The following KTN1 variants were observed in gnomAD, a reference collection of about 807,000 sequenced individuals.
KTN1 encodes the protein kinectin.
A neutral mutation model predicts 222.5 loss-of-function variants in KTN1; 130 were observed. That is an observed-to-expected ratio of 0.58 (90% confidence interval 0.51 to 0.68). KTN1 has a LOEUF of 0.68. Among genes scored for constraint, KTN1 ranks in the 30% least tolerant of loss-of-function variants. KTN1 has a pLI of 0.00. For synonymous variants in KTN1, 512 were observed against 496.3 expected (o/e 1.03, Z -0.42); for missense variants, 1,508 against 1,500.4 (o/e 1.01, Z -0.08).
intron 1 of KTN1, among the ~76,000 whole-genome samples, chr14:55,597,666 C>T (rs990347562): frequency 9.9e-5 from 15 of 151,688 alleles, no homozygotes; most frequent in Admixed American, 2.0e-4. Flanking sequence ...ACAGCCTGGC[C>T]GACATGGTGA....
intron 1 of KTN1, among the ~76,000 whole-genome samples, chr14:55,607,983 G>A (rs571359784): frequency 6.6e-6 from 1 of 152,300 alleles, no homozygotes; most frequent in African/African-American, 2.4e-5. Context: ...TCTTCCATGT[G>A]TGAAAGAACA....
chr14:55,666,502 C>G (rs1324830962), intron 33 of KTN1, among the ~76,000 whole-genome samples: 1 of 151,528 alleles, frequency 6.6e-6, no homozygotes, highest in Non-Finnish European at 1.5e-5. Flanking sequence ...CTAATTTTGA[C>G]AAACCATGGT....
chr14:55,629,335 G>A (rs552759405), intron 6 of KTN1, among the ~76,000 whole-genome samples: 1 of 149,412 alleles, frequency 6.7e-6, no homozygotes, highest in South Asian at 2.2e-4. Flanking sequence ...GGAGAATGGT[G>A]TGAATCTGGG....
chr14:55,672,567 C>T, intron 37 of KTN1, 63 bp from the exon 38 acceptor site: 1 of 957,130 alleles, frequency 1.0e-6, no homozygotes. Context: ...CAGAATTCTA[C>T]AGGATAGAAA....
chr14:55,673,628 T>A (rs1406683691), intron 40 of KTN1: 1 of 158,658 alleles, frequency 6.3e-6, no homozygotes, highest in African/African-American at 2.4e-5. Flanking sequence ...GCCTTTTATT[T>A]TCTAACCTGG....
chr14:55,584,723 G>A (rs2032571268), intron 1 of KTN1, among the ~76,000 whole-genome samples: 1 of 151,198 alleles, frequency 6.6e-6, no homozygotes, highest in Non-Finnish European at 1.5e-5. Flanking sequence ...CTCAAACACA[G>A]TATTACATAG....
chr14:55,644,322 T>A (rs1432430753), intron 18 of KTN1: 1 of 697,452 alleles, frequency 1.4e-6, no homozygotes, highest in Non-Finnish European at 2.6e-6. Context: ...AAAATTTCAG[T>A]CCTTTTACCC....
chr14:55,598,505 T>TAA lies in KTN1; in HGVS notation c.-30-13504_-30-13503dup, dbSNP rs71131298. 1.6e-3 allele frequency among the ~76,000 whole-genome samples: 239 copies of TAA among 148,298 alleles called. 1 individual carries two copies. The highest frequency in any genetic ancestry group is 0.011 in the South Asian group (51 of 4,706). ...CTGGTTGGAAAGAGGTACTGTTCATTAAAAAAAAAAATTACATTCTGGATT... is the reference window on the plus strand; with the variant it reads ...CTGGTTGGAAAGAGGTACTGTTCATTAAAAAAAAAAAAATTACATTCTGGATT... On this transcript the variant is annotated intron_variant, in intron 1 of 43. Transcript: ENST00000395314.
intron 1 of KTN1, among the ~76,000 whole-genome samples, chr14:55,594,536 G>A (rs545999728): frequency 6.7e-6 from 1 of 148,734 alleles, no homozygotes; most frequent in African/African-American, 2.5e-5. Flanking sequence ...GTTTGGACTG[G>A]TATCCATTGT....
chr14:55,679,747 T>C (rs1294988711), intron 43 of KTN1, 62 bp downstream of exon 43: 9 of 1,502,368 alleles, frequency 6.0e-6, no homozygotes, highest in Admixed American at 1.8e-5. Flanking sequence ...GTGTAATGTG[T>C]ATTTACATAA....
chr14:55,656,233 T>C (rs756156615), intron 29 of KTN1, 101 bp downstream of exon 29: 12 of 742,088 alleles, frequency 1.6e-5, no homozygotes, highest in Non-Finnish European at 2.7e-5. Flanking sequence ...ACAGAATGAG[T>C]CTCCCTCCCA....
chr14:55,654,412 T>C (rs920370904), intron 28 of KTN1, among the ~76,000 whole-genome samples: 2 of 152,232 alleles, frequency 1.3e-5, no homozygotes, highest in African/African-American at 2.4e-5. Flanking sequence ...CTTTTGGCTA[T>C]GGTGTAACTG....
Position 55,636,500 on chromosome 14 carries a change from A to G in KTN1, c.1513A>G (p.Arg505Gly), listed in dbSNP as rs1261997280. The change falls in exon 10 of 44, where the codon AGG becomes GGG. Residue 505 changes from arginine (R) to glycine (G), a missense_variant. By Grantham distance (125) the Arg-to-Gly change is moderately radical. Coordinates refer to ENST00000395314, the MANE Select transcript of KTN1 (RefSeq NM_001079521.2). ...GTGGGAAGAAGTTCAGAGCTACATC[A>G]GGAAGAGAACAGCGGAACATGAGGC... ...RRWEEVQSYI[R>G]KRTAEHEAAQ... The G allele has an allele frequency of 1.2e-6, 2 of 1,611,366 alleles. No homozygotes were observed. Among genetic ancestry groups the G allele is most frequent in the Non-Finnish European group, 8.5e-7 (1 of 1,178,630 alleles).
intron 34 of KTN1, chr14:55,667,930 G>GA (rs951722934): frequency 2.7e-5 from 4 of 150,318 alleles, no homozygotes; most frequent in Non-Finnish European, 4.4e-5. Flanking sequence ...TTATTTAATG[G>GA]AAAACTGTTC....
At chr14:55,679,536 GT>G in intron 42 of KTN1, 28 bp from the exon 43 acceptor site, 5 of 1,580,308 alleles carry the variant, frequency 3.2e-6, no homozygotes, top group Non-Finnish European at 4.3e-6. Flanking sequence ...TGTGTATGGA[GT>G]TTATCATCAC....
chr14:55,616,748 G>A (rs1488217590), intron 3 of KTN1, 94 bp downstream of exon 3: 1 of 982,488 alleles, frequency 1.0e-6, no homozygotes, highest in African/African-American at 1.7e-5. Flanking sequence ...TTAGCTCCCA[G>A]TTTAATGTGT....
chr14:55,615,300 CTT>C (rs2038184168), intron 2 of KTN1, among the ~76,000 whole-genome samples: 1 of 152,166 alleles, frequency 6.6e-6, no homozygotes, highest in Non-Finnish European at 1.5e-5. Flanking sequence ...GTCCAGAACT[CTT>C]TCATCTTTTC....
At chr14:55,651,362 G>T (rs1387105657) in intron 24 of KTN1, 1 of 455,980 alleles carries the variant, frequency 2.2e-6, no homozygotes, top group Admixed American at 2.3e-5. Flanking sequence ...TGAGAAGAGA[G>T]TGGAGGATAA....
intron 1 of KTN1, 36 bp from the exon 2 acceptor site, chr14:55,611,981 CTT>C (rs1555363594): frequency 6.4e-3 from 4,760 of 747,452 alleles, no homozygotes; most frequent in Middle Eastern, 8.7e-3. Flanking sequence ...CTGACAGGTT[CTT>C]TTTTTTTTTT....
Sources: allele counts gnomAD v4.1 joint callset (sites outside exome capture counted in the v4.1 genomes callset), GRCh38; gene constraint gnomAD v4.1.1; transcripts MANE v1.5; gene names NCBI Gene and HGNC (gene_info 2026-07-23, HGNC 2026-07-21).